The following LIFR variants were observed in gnomAD, a reference collection of about 807,000 sequenced individuals.
LIFR encodes the protein LIF receptor subunit alpha, also known as leukemia inhibitory factor receptor.
In LIFR, 84 loss-of-function variants were observed where a neutral mutation model predicts 122.2. The observed-to-expected ratio is 0.69, with a 90% CI of 0.58 to 0.82. LIFR has a LOEUF of 0.82. Among genes scored for constraint, LIFR ranks in the 40% least tolerant of loss-of-function variants. The probability of loss-of-function intolerance (pLI) is 0.00; values close to 1 mark genes in which losing one functional copy is unlikely to be tolerated. For synonymous variants in LIFR, 422 were observed against 434.7 expected (o/e 0.97, Z 0.36); for missense variants, 1,294 against 1,311.6 (o/e 0.99, Z 0.21).
chr5:38,483,109 T>C (rs1273999604), intron 18 of LIFR, among the ~76,000 whole-genome samples: 3 of 151,024 alleles, frequency 2.0e-5, no homozygotes, highest in Non-Finnish European at 4.4e-5. Flanking sequence ...AAAAACTAAA[T>C]GCAGCCAAAA....
rs187322029 is a variant in LIFR at position 38,498,285 on chromosome 5, C to A, written c.1671+1228G>T. Among the ~76,000 whole-genome samples the A allele has an allele frequency of 3.3e-4, 50 of 152,256 alleles. 1 individual carries two copies. The East Asian group carries it at 7.1e-3, about 22-fold the overall frequency. The stretch of plus-strand genomic sequence containing the variant: ...CTCTAATTCTATTTTCTTCGTTGTT[C>A]CTGCCCCTCTAAACCTTCCCCATCT... On this transcript the variant is annotated intron_variant, in intron 12 of 19. Transcript: ENST00000453190.
At chr5:38,496,845 T>A (rs550134062) in intron 12 of LIFR, among the ~76,000 whole-genome samples, 3 of 151,896 alleles carry the variant, frequency 2.0e-5, no homozygotes, top group Admixed American at 2.0e-4. Context: ...GGTGTGGTGG[T>A]GAGCGCCTGT....
upstream of LIFR, among the ~76,000 whole-genome samples, chr5:38,597,699 AC>A (rs1055421642): frequency 6.6e-6 from 1 of 152,070 alleles, no homozygotes; most frequent in African/African-American, 2.4e-5. Context: ...GAGGTTGAGA[AC>A]CCCTGTGCTG....
intron 5 of LIFR, among the ~76,000 whole-genome samples, chr5:38,521,657 C>T (rs1226730083): frequency 1.3e-5 from 2 of 152,136 alleles, no homozygotes; most frequent in African/African-American, 4.8e-5. Context: ...CGTTCTCAGG[C>T]CCCTGGCCAG....
chr5:38,531,804 T>C (rs1747026612), intron 1 of LIFR, among the ~76,000 whole-genome samples: 2 of 152,174 alleles, frequency 1.3e-5, no homozygotes, highest in Non-Finnish European at 2.9e-5. Context: ...TGAAAGCAGA[T>C]GGCAAGATCT....
chr5:38,537,717 G>A lies in LIFR; in HGVS notation c.-19-7051C>T, dbSNP rs115373928. Among the ~76,000 whole-genome samples, 1,423 of 150,224 alleles carry A rather than the reference G, an allele frequency of 9.5e-3. 21 individuals carry two copies. Among genetic ancestry groups the A allele is most frequent in the African/African-American group, 0.031 (1,267 of 41,046 alleles). The stretch of plus-strand genomic sequence containing the variant: ...CATAAATGGCATTTCTTTTTATTGC[G>A]TAATTAAAATATCCTTTCATATGTT... On this transcript the variant is annotated intron_variant, in intron 1 of 19. Coordinates refer to ENST00000453190, the MANE Select transcript of LIFR (RefSeq NM_001127671.2).
intron 1 of LIFR, among the ~76,000 whole-genome samples, chr5:38,537,087 T>A (rs926709930): frequency 6.6e-6 from 1 of 152,208 alleles, no homozygotes; most frequent in African/African-American, 2.4e-5. Context: ...ACTTCCCTGT[T>A]AATTCAAGAG....
chr5:38,521,066 T>G (rs1746372422), intron 5 of LIFR, among the ~76,000 whole-genome samples: 1 of 152,204 alleles, frequency 6.6e-6, no homozygotes, highest in Non-Finnish European at 1.5e-5. Flanking sequence ...ATTCTTCCAA[T>G]CTGTAAGCAT....
chr5:38,485,449 A>C (rs1744233970), intron 17 of LIFR: 1 of 311,326 alleles, frequency 3.2e-6, no homozygotes. Flanking sequence ...TGCTTTACAA[A>C]AAATTTTTTT....
In LIFR at chr5:38,481,388, T is replaced by C; in HGVS notation, c.*207A>G. ...ACAAAGAGCTCCCAATCTTGAGTTTTGTGGATTGAGGATTCTGAGTCACTA... is the reference window on the plus strand; with the variant it reads ...ACAAAGAGCTCCCAATCTTGAGTTTCGTGGATTGAGGATTCTGAGTCACTA... On this transcript the variant is annotated 3_prime_UTR_variant, in exon 20 of 20. Transcript: ENST00000453190. The C allele has an allele frequency of 1.7e-6, 1 of 605,292 alleles. No homozygotes were observed. Among genetic ancestry groups the C allele is most frequent in the South Asian group, 2.0e-5 (1 of 50,364 alleles). The allele number at this position is 605,292 out of a possible 1,614,324, so 37.5% of individuals were successfully genotyped here.
intron 5 of LIFR, among the ~76,000 whole-genome samples, chr5:38,518,350 G>T (rs900351353): frequency 3.3e-5 from 5 of 152,100 alleles, no homozygotes; most frequent in Admixed American, 3.3e-4. Flanking sequence ...TCTGTAAAAT[G>T]GGAATAATAA....
Position 38,481,553 on chromosome 5 carries a change from G to C in LIFR, c.*42C>G, listed in dbSNP as rs775583426. On this transcript the variant is annotated 3_prime_UTR_variant, in exon 20 of 20. Transcript: ENST00000453190. ...GCTGATGTAGCAACACTAGCAGTAA[G>C]AGCTTATTGAGATGGCTGACTGAAG... 4 of 1,609,084 alleles carry C rather than the reference G, an allele frequency of 2.5e-6. No homozygotes were observed. The highest frequency in any genetic ancestry group is 3.4e-6 in the Non-Finnish European group (4 of 1,175,634).
rs1743780005 is a variant in LIFR, at chr5:38,477,496, T to C, written c.*4099A>G. The C allele has an allele frequency of 9.2e-6, 2 of 216,318 alleles. No individual in the cohort carries two copies. 13.4% of individuals were successfully genotyped at this position (216,318 alleles called of 1,614,324 possible). On this transcript the variant is annotated 3_prime_UTR_variant, in exon 20 of 20. Coordinates refer to ENST00000453190, the MANE Select transcript of LIFR (RefSeq NM_001127671.2). ...GTTAACCTCACACACGGACACACTG[T>C]TGGGCAGAACACATGCTGGCTGGTA...
intron 2 of LIFR, among the ~76,000 whole-genome samples, chr5:38,602,559 T>C (rs1045589013): frequency 6.6e-6 from 1 of 152,150 alleles, no homozygotes; most frequent in Admixed American, 6.5e-5. Flanking sequence ...TTTCCAGCAT[T>C]AGCGGGCTAA....
chr5:38,475,345 T>C lies in LIFR; in HGVS notation c.*6250A>G, dbSNP rs1286672684. ...GAATCACACACATGTACTTCATCTA[T>C]AGTTTTCTTCCTGTATAAGTGTATT... On this transcript the variant is annotated 3_prime_UTR_variant, in exon 20 of 20. Coordinates refer to ENST00000453190, the MANE Select transcript of LIFR (RefSeq NM_001127671.2). The C allele has an allele frequency of 5.1e-6, 1 of 196,292 alleles. No individual in the cohort carries two copies. Among genetic ancestry groups the C allele is most frequent in the Non-Finnish European group, 1.1e-5 (1 of 94,406 alleles). 12.2% of individuals were successfully genotyped at this position (196,292 alleles called of 1,614,324 possible). A position where few individuals can be genotyped will look rare whatever the true frequency, so the allele number is the denominator to read the frequency against.
At chr5:38,591,587 G>C (rs918277080) in intron 1 of LIFR, among the ~76,000 whole-genome samples, 1 of 152,228 alleles carries the variant, frequency 6.6e-6, no homozygotes, top group African/African-American at 2.4e-5. Context: ...TAAAAGGTTT[G>C]TGCAGATGTT....
intron 15 of LIFR, 103 bp downstream of exon 15, chr5:38,490,087 C>A: frequency 2.5e-6 from 1 of 407,756 alleles, no homozygotes; most frequent in Non-Finnish European, 4.6e-6. Context: ...TACCTTCCTT[C>A]AATTATACAT....
At chr5:38,521,816 G>A (rs902283098) in intron 5 of LIFR, among the ~76,000 whole-genome samples, 1 of 152,162 alleles carries the variant, frequency 6.6e-6, no homozygotes, top group African/African-American at 2.4e-5. Context: ...GCCAGCTGTG[G>A]TGGTAGCAGC....
chr5:38,587,155 C>T (rs1280781832), intron 1 of LIFR, among the ~76,000 whole-genome samples: 1 of 152,042 alleles, frequency 6.6e-6, no homozygotes, highest in African/African-American at 2.4e-5. Flanking sequence ...AGACCTCCTG[C>T]CCCTTACCCC....
Sources: gnomAD v4.1 joint callset for allele counts (sites outside exome capture counted in the v4.1 genomes callset) on GRCh38, gnomAD v4.1.1 for gene constraint, MANE v1.5 for transcripts, NCBI Gene and HGNC (gene_info 2026-07-23, HGNC 2026-07-21) for gene names.